Variants in NUDCD1 observed in about 807,000 individuals in gnomAD.
NUDCD1 encodes the protein NudC domain containing 1, also known as nudC domain-containing protein 1.
Under a neutral mutation model 67.8 loss-of-function variants are expected in NUDCD1, and 60 were observed. The observed-to-expected ratio is 0.88, with a 90% confidence interval of 0.72 to 1.10. The LOEUF (loss-of-function observed/expected upper bound fraction) is 1.10. NUDCD1 is among the 50% of genes least tolerant of loss of function. The pLI, the probability that NUDCD1 is intolerant of heterozygous loss-of-function variation, is 0.00. For synonymous variants in NUDCD1, 244 were observed against 230.8 expected (o/e 1.06, Z -0.52); for missense variants, 643 against 695.0 (o/e 0.93, Z 0.84).
intron 4 of NUDCD1, among the ~76,000 whole-genome samples, chr8:109,292,007 C>T (rs1034929084): frequency 6.6e-6 from 1 of 152,078 alleles, no homozygotes; most frequent in East Asian, 1.9e-4. Flanking sequence ...TGAGCCAAAG[C>T]TGAATCTAGG....
At chr8:109,306,195 A>C (rs889680907) in intron 2 of NUDCD1, among the ~76,000 whole-genome samples, 1 of 152,178 alleles carries the variant, frequency 6.6e-6, no homozygotes, top group East Asian at 1.9e-4. Flanking sequence ...ATCCTCTGGT[A>C]CTAGCCCCAA....
At chr8:109,284,639 A>G (rs1020331048) in intron 5 of NUDCD1, among the ~76,000 whole-genome samples, 2 of 152,084 alleles carry the variant, frequency 1.3e-5, no homozygotes, top group Non-Finnish European at 2.9e-5. Flanking sequence ...CAAAAACCAC[A>G]CAGTATCATG....
At chr8:109,331,227 C>T (rs909714658) in intron 1 of NUDCD1, among the ~76,000 whole-genome samples, 1 of 152,040 alleles carries the variant, frequency 6.6e-6, no homozygotes, top group Admixed American at 6.6e-5. Context: ...CCCAGCTACT[C>T]CAGAGGCTGG....
chr8:109,259,201 A>G (rs1346895181), intron 8 of NUDCD1, among the ~76,000 whole-genome samples: 1 of 152,210 alleles, frequency 6.6e-6, no homozygotes, highest in Non-Finnish European at 1.5e-5. Context: ...ATTTGTTTAA[A>G]GTCCAGTAGA....
chr8:109,325,880 A>G (rs1257323802), intron 1 of NUDCD1, among the ~76,000 whole-genome samples: 2 of 152,250 alleles, frequency 1.3e-5, no homozygotes, highest in East Asian at 3.8e-4. Context: ...TTAGAAAGCT[A>G]TTGCAATCAT....
Position 109,281,142 on chromosome 8 carries a change from T to C in NUDCD1, c.854A>G (p.Asp285Gly). 3 of 1,612,952 alleles carry C rather than the reference T, an allele frequency of 1.9e-6. No homozygotes were observed. Among genetic ancestry groups the C allele is most frequent in the Non-Finnish European group, 2.5e-6 (3 of 1,179,254 alleles). ...EPLYYWQQTEDDLTVTIRLPE... is the reference protein window; with the variant it reads ...EPLYYWQQTEGDLTVTIRLPE... ...AAGCCGTATGGTTACTGTCAAATCA[T>C]CTTCAGTCTGTTGCCAGTAATACAG... Residue 285 changes from aspartate to glycine, a missense_variant, in exon 6 of 10, where the codon GAT (aspartate) becomes GGT (glycine). Physicochemically the swap from Asp to Gly is moderately conservative, Grantham distance 94 (BLOSUM62 -1). Coordinates refer to ENST00000239690, the MANE Select transcript of NUDCD1 (RefSeq NM_032869.4).
intron 8 of NUDCD1, among the ~76,000 whole-genome samples, chr8:109,257,528 C>G (rs781636703): frequency 1.3e-5 from 2 of 152,030 alleles, no homozygotes; most frequent in African/African-American, 2.4e-5. Context: ...TCAAGTTGAC[C>G]TGCAGATCCA....
intron 8 of NUDCD1, among the ~76,000 whole-genome samples, chr8:109,264,742 A>C (rs1450291916): frequency 6.6e-6 from 1 of 152,138 alleles, no homozygotes; most frequent in Non-Finnish European, 1.5e-5. Context: ...TTTCAACTAC[A>C]GTATCATATT....
At chr8:109,310,348 A>C (rs947575928) in intron 2 of NUDCD1, among the ~76,000 whole-genome samples, 1 of 152,232 alleles carries the variant, frequency 6.6e-6, no homozygotes, top group African/African-American at 2.4e-5. Flanking sequence ...TCGACAAAGC[A>C]AACAAAAACA....
intron 8 of NUDCD1, among the ~76,000 whole-genome samples, chr8:109,266,523 T>C (rs4734210): frequency 0.41 from 61,228 of 151,018 alleles, 12,658 homozygotes; most frequent in South Asian, 0.5. Context: ...GGATTACAGG[T>C]GTGAGCCACC....
intron 2 of NUDCD1, among the ~76,000 whole-genome samples, chr8:109,321,522 A>T (rs947010961): frequency 2.6e-5 from 4 of 152,114 alleles, no homozygotes; most frequent in South Asian, 2.1e-4. Context: ...CATTTTTTTT[A>T]AAAAGAAAAA....
At chr8:109,331,465 G>A (rs1453415909) in intron 1 of NUDCD1, among the ~76,000 whole-genome samples, 1 of 142,004 alleles carries the variant, frequency 7.0e-6, no homozygotes, top group African/African-American at 2.7e-5. Context: ...GCAATGAGAC[G>A]AGATCACACT....
intron 2 of NUDCD1, among the ~76,000 whole-genome samples, chr8:109,321,508 A>G (rs1586310390): frequency 1.3e-5 from 2 of 151,182 alleles, no homozygotes; most frequent in South Asian, 2.1e-4. Flanking sequence ...TCGAGTTCTA[A>G]GGACATTTTT....
At chr8:109,258,044 T>TA (rs1485887458) in intron 8 of NUDCD1, among the ~76,000 whole-genome samples, 1 of 152,102 alleles carries the variant, frequency 6.6e-6, no homozygotes, top group East Asian at 1.9e-4. Flanking sequence ...TTTTTGGAGT[T>TA]AGTGTTTTTA....
At chr8:109,323,017 G>A (rs1815579109) in intron 1 of NUDCD1, among the ~76,000 whole-genome samples, 1 of 152,146 alleles carries the variant, frequency 6.6e-6, no homozygotes, top group South Asian at 2.1e-4. Flanking sequence ...AGCTGGACTA[G>A]AAACAAGATC....
intron 5 of NUDCD1, among the ~76,000 whole-genome samples, chr8:109,283,574 CAG>C (rs1814505436): frequency 1.3e-5 from 2 of 152,306 alleles, no homozygotes; most frequent in South Asian, 4.1e-4. Context: ...ATTAGGCTAA[CAG>C]CAGACTTCTC....
At chr8:109,319,430 C>T (rs919379283) in intron 2 of NUDCD1, among the ~76,000 whole-genome samples, 2 of 152,264 alleles carry the variant, frequency 1.3e-5, no homozygotes, top group East Asian at 1.9e-4. Flanking sequence ...TGCAGAAAAG[C>T]GTATCAACCT....
chr8:109,270,651 TA>T (rs1814127965), intron 8 of NUDCD1, among the ~76,000 whole-genome samples: 2 of 151,870 alleles, frequency 1.3e-5, no homozygotes, highest in Admixed American at 6.6e-5. Flanking sequence ...ACCAACATCA[TA>T]GCATAATCCA....
chr8:109,306,265 C>G (rs1040222092), intron 2 of NUDCD1, among the ~76,000 whole-genome samples: 9 of 152,188 alleles, frequency 5.9e-5, no homozygotes, highest in African/African-American at 2.2e-4. Context: ...AGGTTACACT[C>G]CAATACTTTC....
Sources: gnomAD v4.1 joint callset for allele counts (sites outside exome capture counted in the v4.1 genomes callset) on GRCh38, gnomAD v4.1.1 for gene constraint, MANE v1.5 for transcripts, NCBI Gene and HGNC (gene_info 2026-07-23, HGNC 2026-07-21) for gene names.